TRIM24: variants seen among roughly 807,000 people sequenced by gnomAD.
TRIM24 encodes tripartite motif containing 24, also known as transcription intermediary factor 1-alpha.
A neutral mutation model predicts 123.9 loss-of-function variants in TRIM24; 29 were observed. That is an observed-to-expected ratio of 0.23 (90% confidence interval 0.17 to 0.32). The LOEUF is 0.32. TRIM24 is among the 10% of genes least tolerant of loss of function. The probability of loss-of-function intolerance (pLI) is 1.00; values close to 1 mark genes in which losing one functional copy is unlikely to be tolerated. For synonymous variants in TRIM24, 456 were observed against 461.1 expected (o/e 0.99, Z 0.14); for missense variants, 932 against 1,295.3 (o/e 0.72, Z 4.31).
rs181574937 is a variant in TRIM24, at chr7:138,521,442, T to C, written c.764+2121T>C. Among the ~76,000 whole-genome samples the C allele has an allele frequency of 2.0e-4, 31 of 152,206 alleles. No homozygotes were observed. In the East Asian group the frequency reaches 4.1e-3, roughly 20 times the overall value. On this transcript the variant is annotated intron_variant, in intron 4 of 18. Coordinates refer to ENST00000343526, the MANE Select transcript of TRIM24 (RefSeq NM_015905.3). ...TCTGTTCTTGTAATGTCTAGAGTAG[T>C]CACTAAAAGAATAATAAGTACATAT... is the stretch of plus-strand genomic sequence containing the variant.
rs1225397789 is a variant in TRIM24 at position 138,570,799 on chromosome 7, A to G, written c.1705-31A>G. 4.4e-6 allele frequency: 7 copies of G among 1,607,510 alleles called. No individual in the cohort carries two copies. The African/African-American group carries it at 8.0e-5, about 18-fold the overall frequency. ...TGTTGTATTTTATAAGCTTGTTGAT[A>G]GCCTTTGTTCTTCTCTTCTTGTTAC... On this transcript the variant is annotated intron_variant, in intron 10 of 18. Coordinates refer to ENST00000343526, the MANE Select transcript of TRIM24 (RefSeq NM_015905.3).
chr7:138,578,563 T>TGCGCAC (rs1554445382), intron 14 of TRIM24, among the ~76,000 whole-genome samples: 12 of 145,088 alleles, frequency 8.3e-5, no homozygotes, highest in Admixed American at 4.1e-4. Flanking sequence ...TGTGTGTGTG[T>TGCGCAC]GCGCGCACGC....
chr7:138,554,643 A>T lies in TRIM24; in HGVS notation c.1262-55A>T. 4.5e-6 allele frequency: 7 copies of T among 1,555,582 alleles called. No homozygotes were observed. The highest frequency in any genetic ancestry group is 5.2e-6 in the Non-Finnish European group (6 of 1,146,818). On this transcript the variant is annotated intron_variant, in intron 8 of 18. Transcript: ENST00000343526. The surrounding 1 kb of genome is among the most constrained non-coding windows in gnomAD (Gnocchi z 4.5). ...TGCAAAAATAGCTTTAGAAAATGTG[A>T]TATTTCACCAACTATCTGAAAAACT...
chr7:138,491,354 C>G (rs1323533309), intron 1 of TRIM24: 1 of 169,792 alleles, frequency 5.9e-6, no homozygotes, highest in Non-Finnish European at 1.3e-5. Flanking sequence ...TTGTTCTTGA[C>G]AACTGCTATC....
intron 1 of TRIM24, among the ~76,000 whole-genome samples, chr7:138,464,442 G>A (rs557229914): frequency 6.6e-6 from 1 of 152,008 alleles, no homozygotes; most frequent in Non-Finnish European, 1.5e-5. Flanking sequence ...GGAGAACTGT[G>A]TGAGCCTTGG....
rs373163435 is a variant in TRIM24, at chr7:138,569,796, C to T, written c.1705-1034C>T. Among the ~76,000 whole-genome samples the T allele has an allele frequency of 1.1e-4, 16 of 152,254 alleles. No homozygotes were observed. The South Asian group carries it at 2.9e-3, about 28-fold the overall frequency. On this transcript the variant is annotated intron_variant, in intron 10 of 18. Transcript: ENST00000343526. ...TGTGAATGACCATGTTTGGAAAATA[C>T]GGCATCTTGCAGTACACTTAGTTAC...
chr7:138,580,793 T>C, intron 16 of TRIM24, 99 bp downstream of exon 16: 1 of 1,124,350 alleles, frequency 8.9e-7, no homozygotes, highest in Non-Finnish European at 1.2e-6. Context: ...TTTATACTGA[T>C]CCTTTTTATT....
At chr7:138,503,684 G>A (rs1369370284) in intron 1 of TRIM24, among the ~76,000 whole-genome samples, 1 of 149,490 alleles carries the variant, frequency 6.7e-6, no homozygotes, top group African/African-American at 2.5e-5. Flanking sequence ...GTGCAGGTTT[G>A]TTACATATGT....
intron 1 of TRIM24, among the ~76,000 whole-genome samples, chr7:138,464,086 C>G (rs1795079096): frequency 6.9e-6 from 1 of 145,664 alleles, no homozygotes; most frequent in Non-Finnish European, 1.5e-5. Flanking sequence ...GCTCTGCCTC[C>G]CGGGTTCAGG....
At position 138,549,265 on chromosome 7, in the gene TRIM24, A is replaced by G. The variant is rs772359111; in HGVS notation, c.1144-1798A>G. On this transcript the variant is annotated intron_variant, in intron 7 of 18. Transcript: ENST00000343526. ...GTCCATTGTTGACTGAAACATTGCTATGTGGTACATGACTACATATGAATG... is the reference window on the plus strand; with the variant it reads ...GTCCATTGTTGACTGAAACATTGCTGTGTGGTACATGACTACATATGAATG... Among the ~76,000 whole-genome samples, 6 of 152,298 alleles carry G rather than the reference A, an allele frequency of 3.9e-5. No individual in the cohort carries two copies. In the East Asian group the frequency reaches 7.7e-4, roughly 20 times the overall value.
intron 7 of TRIM24, among the ~76,000 whole-genome samples, chr7:138,549,888 A>G (rs1584733568): frequency 6.6e-6 from 1 of 152,192 alleles, no homozygotes; most frequent in African/African-American, 2.4e-5. Context: ...AACTAGAAAC[A>G]TGGACGTTTC....
chr7:138,517,330 C>T (rs1484840813), intron 3 of TRIM24, among the ~76,000 whole-genome samples: 2 of 151,208 alleles, frequency 1.3e-5, no homozygotes, highest in African/African-American at 2.5e-5. Context: ...TGTAATTCCT[C>T]TCAGGTTACC....
intron 12 of TRIM24, 138 bp from the exon 13 acceptor site, chr7:138,576,235 A>G: frequency 1.2e-6 from 1 of 801,452 alleles, no homozygotes; most frequent in Non-Finnish European, 2.1e-6. Flanking sequence ...ACTGCTGAAA[A>G]TTCAGCAACT....
chr7:138,552,473 A>AGG (rs35395563), intron 8 of TRIM24, among the ~76,000 whole-genome samples: 1 of 152,090 alleles, frequency 6.6e-6, no homozygotes, highest in South Asian at 2.1e-4. Context: ...AATTTCTCAC[A>AGG]GGGAAACTAT....
At chr7:138,540,694 A>T (rs1260710950) in intron 7 of TRIM24, among the ~76,000 whole-genome samples, 2 of 152,154 alleles carry the variant, frequency 1.3e-5, no homozygotes, top group Non-Finnish European at 2.9e-5. Context: ...TATTGTTGAT[A>T]TTTTTGTCTC....
intron 1 of TRIM24, among the ~76,000 whole-genome samples, chr7:138,481,141 C>T (rs575681964): frequency 2.6e-5 from 4 of 152,118 alleles, no homozygotes; most frequent in East Asian, 1.9e-4. Context: ...TACAGGCATG[C>T]GCCACTACGC....
chr7:138,558,384 T>G (rs1797359708), intron 9 of TRIM24, among the ~76,000 whole-genome samples: 1 of 152,156 alleles, frequency 6.6e-6, no homozygotes, highest in African/African-American at 2.4e-5. Context: ...ATAGAGATTT[T>G]TTAAGGGCCA....
chr7:138,536,201 CT>C (rs1354372500), intron 6 of TRIM24, among the ~76,000 whole-genome samples: 2 of 152,174 alleles, frequency 1.3e-5, no homozygotes, highest in Non-Finnish European at 1.5e-5. Flanking sequence ...CGTCTAAAGC[CT>C]TCTTCTCTCA....
At chr7:138,556,201 AT>A (rs1797313167) in intron 9 of TRIM24, 1 of 152,184 alleles carries the variant, frequency 6.6e-6, no homozygotes, top group South Asian at 2.1e-4. Context: ...TTTTAGGTTT[AT>A]ACTTTTTTAA....
Sources: gnomAD v4.1 joint callset for allele counts (sites outside exome capture counted in the v4.1 genomes callset) on GRCh38, gnomAD v4.1.1 for gene constraint, Gnocchi (gnomAD v3.1) non-coding constraint, MANE v1.5 for transcripts, NCBI Gene and HGNC (gene_info 2026-07-23, HGNC 2026-07-21) for gene names.